Variants in AKR1E2 observed in about 807,000 individuals in gnomAD.
AKR1E2 encodes the protein aldo-keto reductase family 1 member E2, also known as 1,5-anhydro-D-fructose reductase.
In AKR1E2, 43 loss-of-function variants were observed where a neutral mutation model predicts 41.9. That is an observed-to-expected ratio of 1.03 (90% CI 0.80 to 1.32). The LOEUF (loss-of-function observed/expected upper bound fraction) is 1.32. Among genes scored for constraint, AKR1E2 ranks in the 40% most tolerant of loss-of-function variants. The pLI, the probability that AKR1E2 is intolerant of heterozygous loss-of-function variation, is 0.00. For synonymous variants in AKR1E2, 121 were observed against 138.9 expected (o/e 0.87, Z 0.91); for missense variants, 423 against 396.5 (o/e 1.07, Z -0.57).
At chr10:4,854,701 G>A in the AKR1E2 span, among the ~76,000 whole-genome samples, 1 of 152,136 alleles carries the variant, frequency 6.6e-6, no homozygotes, top group African/African-American at 2.4e-5. Context: ...TTGGGTAAGT[G>A]GGGTGTGTAT....
At chr10:4,853,319 T>C in the AKR1E2 span, among the ~76,000 whole-genome samples, 2 of 152,096 alleles carry the variant, frequency 1.3e-5, no homozygotes, top group South Asian at 4.1e-4. Flanking sequence ...CATAAATTAG[T>C]AGTTGGAAAA....
chr10:4,847,784 G>A lies in AKR1E2; in HGVS notation c.*254G>A. The A allele has an allele frequency of 2.1e-6, 1 of 487,084 alleles. No homozygotes were observed. Among genetic ancestry groups the A allele is most frequent in the East Asian group, 3.3e-5 (1 of 30,272 alleles). The allele number at this position is 487,084 out of a possible 1,614,324, so 30.2% of individuals were successfully genotyped here. ...ACAAATACACTGATGAGTCATCAGTGAAATTTGCCTTCACATTTTAAGAAA... is the reference window on the plus strand; with the variant it reads ...ACAAATACACTGATGAGTCATCAGTAAAATTTGCCTTCACATTTTAAGAAA... On this transcript the variant is annotated 3_prime_UTR_variant, in exon 10 of 10. Coordinates refer to ENST00000298375, the MANE Select transcript of AKR1E2 (RefSeq NM_001040177.3).
chr10:4,825,542 T>A (rs986910435), upstream of AKR1E2, among the ~76,000 whole-genome samples: 7 of 152,142 alleles, frequency 4.6e-5, no homozygotes, highest in African/African-American at 1.7e-4. Context: ...CGGCCTCCCC[T>A]GCACCACCCA....
chr10:4,836,146 A>C (rs1054637361), intron 4 of AKR1E2, among the ~76,000 whole-genome samples: 2 of 152,170 alleles, frequency 1.3e-5, no homozygotes, highest in Non-Finnish European at 2.9e-5. Context: ...CTAACATTAA[A>C]AATTTTATTT....
the AKR1E2 span, among the ~76,000 whole-genome samples, chr10:4,866,961 G>A: frequency 2.2e-4 from 33 of 152,160 alleles, no homozygotes; most frequent in Non-Finnish European, 4.4e-4. Flanking sequence ...GTTTACGGAG[G>A]GTCAGAATCT....
chr10:4,833,524 C>A, intron 3 of AKR1E2, 58 bp downstream of exon 3: 1 of 1,443,964 alleles, frequency 6.9e-7, no homozygotes, highest in Non-Finnish European at 9.7e-7. Flanking sequence ...CCCGTGCTCA[C>A]ACCCTGTCTT....
the AKR1E2 span, among the ~76,000 whole-genome samples, chr10:4,864,129 G>A: frequency 6.6e-6 from 1 of 152,156 alleles, no homozygotes; most frequent in African/African-American, 2.4e-5. Context: ...GCATCATCCT[G>A]ATACCAAAGC....
At position 4,847,994 on chromosome 10, in the gene AKR1E2, A is replaced by G. The variant is rs77242019; in HGVS notation, c.*464A>G. On this transcript the variant is annotated 3_prime_UTR_variant, in exon 10 of 10. Coordinates refer to ENST00000298375, the MANE Select transcript of AKR1E2 (RefSeq NM_001040177.3). ...GCAGAGTCCTTCCCTTCCCCCAGTG[A>G]GAAGGAAAATGGGATAAGTCTGGGA... 5,344 of 156,582 alleles carry G rather than the reference A, an allele frequency of 0.034. 148 individuals carry two copies. The highest frequency in any genetic ancestry group is 0.11 in the East Asian group (592 of 5,312). The allele number at this position is 156,582 out of a possible 1,614,324, so 9.7% of individuals were successfully genotyped here. A position where few individuals can be genotyped will look rare whatever the true frequency, so the allele number is the denominator to read the frequency against.
the AKR1E2 span, among the ~76,000 whole-genome samples, chr10:4,859,777 T>C: frequency 4.1e-4 from 62 of 152,344 alleles, no homozygotes; most frequent in African/African-American, 1.4e-3. Context: ...TGGCTTACGT[T>C]ACATGAGTGA....
At chr10:4,833,910 C>T (rs1833184189) in intron 3 of AKR1E2, among the ~76,000 whole-genome samples, 1 of 152,178 alleles carries the variant, frequency 6.6e-6, no homozygotes, top group African/African-American at 2.4e-5. Context: ...CAGCAGGGTC[C>T]AGTGGGTTGT....
chr10:4,855,037 C>T, the AKR1E2 span, among the ~76,000 whole-genome samples: 1 of 152,082 alleles, frequency 6.6e-6, no homozygotes, highest in Non-Finnish European at 1.5e-5. Context: ...AGAAGGGAAA[C>T]TTGAGAGCTG....
intron 1 of AKR1E2, among the ~76,000 whole-genome samples, chr10:4,827,664 A>G (rs1365446771): frequency 6.6e-6 from 1 of 152,234 alleles, no homozygotes; most frequent in Non-Finnish European, 1.5e-5. Context: ...ATAGGAAGTT[A>G]GTTACTGAAG....
chr10:4,827,165 A>G (rs1365123816), intron 1 of AKR1E2, among the ~76,000 whole-genome samples: 2 of 151,970 alleles, frequency 1.3e-5, no homozygotes, highest in Non-Finnish European at 2.9e-5. Context: ...TTCCCTGTTT[A>G]GAAGCAACCT....
chr10:4,861,045 A>G, the AKR1E2 span, among the ~76,000 whole-genome samples: 1 of 152,144 alleles, frequency 6.6e-6, no homozygotes, highest in Non-Finnish European at 1.5e-5. Context: ...ATCTCCTCTG[A>G]TATGCTCTTG....
In AKR1E2 at chr10:4,835,715, C is replaced by T. The variant is rs1339066082; in HGVS notation, c.365C>T (p.Ser122Phe). Residue 122 changes from serine to phenylalanine, a missense_variant, in exon 4 of 10, where the codon TCC becomes TTC. Ser to Phe is a radical substitution (Grantham distance 155, BLOSUM62 -2). Coordinates refer to ENST00000298375, the MANE Select transcript of AKR1E2 (RefSeq NM_001040177.3). Reference sequence around the variant, plus strand: ...TGGATCATGAGCTGCAGTGAACTTTCCTTCTGCCTCTCACATCCTCGAGTG... The same window carrying T: ...TGGATCATGAGCTGCAGTGAACTTTTCTTCTGCCTCTCACATCCTCGAGTG... ...PEWIMSCSEL[S>F]FCLSHPRVQD... is the part of the protein sequence containing the mutation. 5.0e-6 allele frequency: 8 copies of T among 1,614,046 alleles called. No homozygotes were observed. In the African/African-American group the frequency reaches 8.0e-5, roughly 16 times the overall value.
At chr10:4,860,695 C>G in the AKR1E2 span, among the ~76,000 whole-genome samples, 1 of 152,256 alleles carries the variant, frequency 6.6e-6, no homozygotes, top group South Asian at 2.1e-4. Flanking sequence ...AAAATAAGAG[C>G]TTTATTAATA....
chr10:4,831,446 C>T (rs893749288), intron 2 of AKR1E2, among the ~76,000 whole-genome samples: 3 of 152,018 alleles, frequency 2.0e-5, no homozygotes, highest in Non-Finnish European at 2.9e-5. Flanking sequence ...TGGCAAAAGG[C>T]GAAGGAGGAA....
At chr10:4,850,993 T>TCTC (rs1834516146), downstream of AKR1E2, among the ~76,000 whole-genome samples, 1 of 152,194 alleles carries the variant, frequency 6.6e-6, no homozygotes, top group African/African-American at 2.4e-5. Context: ...CAACCCCAGC[T>TCTC]CTCCAACAAG....
chr10:4,828,779 A>C (rs146596084), intron 1 of AKR1E2, among the ~76,000 whole-genome samples: 63 of 152,310 alleles, frequency 4.1e-4, no homozygotes, highest in Non-Finnish European at 7.2e-4. Flanking sequence ...GTTTTTCCTG[A>C]AGAGAATATA....
Sources: gnomAD v4.1 joint callset for allele counts (sites outside exome capture counted in the v4.1 genomes callset) on GRCh38, gnomAD v4.1.1 for gene constraint, MANE v1.5 for transcripts, NCBI Gene and HGNC (gene_info 2026-07-23, HGNC 2026-07-21) for gene names.